Variants in GTPBP6 observed in about 807,000 individuals in gnomAD.
GTPBP6 encodes GTP binding protein 6.
GTPBP6 carries 33 observed loss-of-function variants against 28.9 expected under a neutral mutation model. The ratio of observed to expected loss-of-function variants is 1.14; its 90% CI spans 0.87 to 1.53. The LOEUF (loss-of-function observed/expected upper bound fraction) is 1.53. Among genes scored for constraint, GTPBP6 ranks in the 40% most tolerant of loss-of-function variants. The probability of loss-of-function intolerance (pLI) is 0.00; values close to 1 mark genes in which losing one functional copy is unlikely to be tolerated. For missense variants in GTPBP6, 507 were observed against 408.3 expected (o/e 1.24, Z -2.08); for synonymous variants, 231 against 192.7 (o/e 1.20, Z -1.65).
At chrX:312,032 G>A (rs1210183611) in intron 6 of GTPBP6, 15 of 472,330 alleles carry the variant, frequency 3.2e-5, no homozygotes, top group African/African-American at 2.0e-4. Context: ...ATATAGATAC[G>A]GCAGTGGTGC....
At chrX:314,847 G>T (rs2070399683) in intron 4 of GTPBP6, 43 bp downstream of exon 4, 1 of 399,910 alleles carries the variant, frequency 2.5e-6, no homozygotes, top group Non-Finnish European at 4.4e-6. Flanking sequence ...GGGGTTCCGG[G>T]AGTGGACGTG....
chrX:318,558 T>A, exon 1 of GTPBP6: 2 of 398,280 alleles, frequency 5.0e-6, no homozygotes, highest in Middle Eastern at 1.3e-3. Flanking sequence ...GGCGTTCTCG[T>A]CCGCATCTTC....
At chrX:315,605 GGACA>G (rs2070417656) in intron 2 of GTPBP6, among the ~76,000 whole-genome samples, 2 of 113,786 alleles carry the variant, frequency 1.8e-5, no homozygotes, top group African/African-American at 6.7e-5. Context: ...ATCCCGACAG[GGACA>G]GACACAGACA....
exon 10 of GTPBP6, chrX:304,849 TGC>T (rs1159107766): frequency 5.5e-5 from 78 of 1,411,708 alleles, no homozygotes; most frequent in Non-Finnish European, 6.7e-5. Flanking sequence ...ATTGTGTGGA[TGC>T]TCAGGCTTGG....
chrX:304,906 C>T, exon 10 of GTPBP6: 4 of 1,449,488 alleles, frequency 2.8e-6, no homozygotes, highest in Non-Finnish European at 3.6e-6. Flanking sequence ...GCGGCCGTGT[C>T]ACCGGCCTGC....
At chrX:311,489 C>T (rs1467901319) in exon 7 of GTPBP6, 5 of 1,612,146 alleles carry the variant, frequency 3.1e-6, no homozygotes, top group African/African-American at 1.3e-5. Context: ...GGAGAGGAAG[C>T]CGATGGTGTC....
chrX:314,000 G>GAGA (rs753188905), intron 5 of GTPBP6, 150 bp downstream of exon 5: 1 of 720,888 alleles, frequency 1.4e-6, no homozygotes, highest in African/African-American at 1.8e-5. Flanking sequence ...TTCCAGGGCT[G>GAGA]AGGGTCTCCT....
chrX:307,373 C>T, exon 9 of GTPBP6: 1 of 1,612,330 alleles, frequency 6.2e-7, no homozygotes, highest in Non-Finnish European at 8.5e-7. Context: ...AGCTGCGCCC[C>T]TGCGAGCCTC....
intron 9 of GTPBP6, among the ~76,000 whole-genome samples, chrX:306,880 G>C (rs1478319179): frequency 5.6e-4 from 44 of 78,030 alleles, no homozygotes; most frequent in African/African-American, 1.4e-3. Context: ...TATGCAGTCA[G>C]AAATGTACAT....
chrX:314,689 G>A (rs2124471779), intron 4 of GTPBP6, among the ~76,000 whole-genome samples: 1 of 152,040 alleles, frequency 6.6e-6, no homozygotes, highest in African/African-American at 2.4e-5. Flanking sequence ...TGTTGGCCAG[G>A]ATGGTCTCGA....
intron 7 of GTPBP6, among the ~76,000 whole-genome samples, chrX:308,827 C>T (rs1376390707): frequency 6.6e-6 from 1 of 151,118 alleles, no homozygotes; most frequent in Non-Finnish European, 1.5e-5. Context: ...CTCCGCCTCC[C>T]GGGTTCAGCC....
intron 1 of GTPBP6, among the ~76,000 whole-genome samples, chrX:317,513 G>A (rs1208309580): frequency 1.5e-5 from 2 of 135,790 alleles, no homozygotes; most frequent in Admixed American, 8.4e-5. Context: ...ACCTTTATGA[G>A]ACTCTGACAC....
At chrX:305,144 C>T in exon 10 of GTPBP6, 1 of 1,613,684 alleles carries the variant, frequency 6.2e-7, no homozygotes. Flanking sequence ...GTCGGCCGCC[C>T]CGTCCTCAGG....
chrX:305,319 CTT>C lies in GTPBP6; in HGVS notation c.1428-124_1428-123del, dbSNP rs368320582. The C allele has an allele frequency of 6.8e-6, 5 of 735,386 alleles. No individual in the cohort carries two copies. In the African/African-American group the frequency reaches 1.0e-4, roughly 15 times the overall value. 45.6% of individuals were successfully genotyped at this position (735,386 alleles called of 1,614,324 possible). A position where few individuals can be genotyped will look rare whatever the true frequency, so the allele number is the denominator to read the frequency against. ...ACCATTCATCAGACCGTCCTGTTTCCTTTTGTTTTTTTTTTTTTTTGAGACGG... is the reference window on the plus strand; with the variant it reads ...ACCATTCATCAGACCGTCCTGTTTCCTTGTTTTTTTTTTTTTTTGAGACGG... On this transcript the variant is annotated intron_variant, in intron 9 of 9. Coordinates refer to ENST00000326153, the Ensembl canonical transcript of GTPBP6.
rs760559183 is a variant in GTPBP6, at chrX:312,361, G to A, written c.916+405C>T. On this transcript the variant is annotated intron_variant, in intron 6 of 9. Transcript: ENST00000326153. ...CTGGTGTAGACAGGAGGATGGTATAGACAGAGGAGAGGTGATGGTGTAGAT... is the reference window on the plus strand; with the variant it reads ...CTGGTGTAGACAGGAGGATGGTATAAACAGAGGAGAGGTGATGGTGTAGAT... The A allele has an allele frequency of 2.4e-3, 1,149 of 475,186 alleles. 6 individuals carry two copies. The highest frequency in any genetic ancestry group is 3.8e-3 in the Non-Finnish European group (906 of 240,774). The allele number at this position is 475,186 out of a possible 1,614,324, so 29.4% of individuals were successfully genotyped here. A position where few individuals can be genotyped will look rare whatever the true frequency, so the allele number is the denominator to read the frequency against.
intron 7 of GTPBP6, among the ~76,000 whole-genome samples, chrX:309,162 C>T (rs1413531467): frequency 1.3e-5 from 2 of 152,168 alleles, no homozygotes; most frequent in Non-Finnish European, 2.9e-5. Context: ...AAAACAAAGC[C>T]GTAGCCTGAA....
exon 4 of GTPBP6, chrX:314,954 G>T (rs1322528725): frequency 5.0e-6 from 2 of 398,730 alleles, no homozygotes; most frequent in Admixed American, 8.8e-5. Context: ...GCGTTACAGC[G>T]GAAGATGTGC....
chrX:317,189 T>C, intron 1 of GTPBP6, 138 bp from the exon 2 acceptor site: 1 of 397,778 alleles, frequency 2.5e-6, no homozygotes, highest in Non-Finnish European at 4.4e-6. Context: ...TCCCCCGATA[T>C]GACTTCGTCC....
chrX:315,394 G>C (rs1469060372), intron 2 of GTPBP6, 95 bp from the exon 3 acceptor site: 1 of 398,446 alleles, frequency 2.5e-6, no homozygotes, highest in African/African-American at 2.1e-5. Flanking sequence ...GCACCGCGGA[G>C]AGCTCACTTC....
Sources: gnomAD v4.1 joint callset for allele counts (sites outside exome capture counted in the v4.1 genomes callset) on GRCh38, gnomAD v4.1.1 for gene constraint, MANE v1.5 for transcripts, NCBI Gene and HGNC (gene_info 2026-07-23, HGNC 2026-07-21) for gene names.